CADM2: variants seen among roughly 807,000 people sequenced by gnomAD.
The protein encoded by CADM2 is immunoglobulin superfamily member 4D.
In CADM2, 12 loss-of-function variants were observed where a neutral mutation model predicts 49.8. That is an observed-to-expected ratio of 0.24 (90% CI 0.15 to 0.39). The LOEUF is 0.39. Ranked by LOEUF, CADM2 falls within the 10% of genes least tolerant of loss-of-function variation. The pLI, the probability that CADM2 is intolerant of heterozygous loss-of-function variation, is 1.00. For missense variants in CADM2, 378 were observed against 492.3 expected (o/e 0.77, Z 2.20); for synonymous variants, 214 against 175.4 (o/e 1.22, Z -1.74).
chr3:86,012,484 C>G lies in CADM2; in HGVS notation c.970+50837C>G, dbSNP rs545946193. The G allele has an allele frequency of 8.4e-6, 8 of 951,444 alleles. No homozygotes were observed. In the African/African-American group the frequency reaches 1.2e-4, roughly 15 times the overall value. 58.9% of individuals were successfully genotyped at this position (951,444 alleles called of 1,614,324 possible). A position where few individuals can be genotyped will look rare whatever the true frequency, so the allele number is the denominator to read the frequency against. On this transcript the variant is annotated intron_variant, in intron 8 of 9. Transcript: ENST00000383699. Reference sequence around the variant, plus strand: ...AGAGCCGGCCGACCTGGCTCTCCTCCGTGACCCGGACCAGCGGGCGGACTG... The same window carrying G: ...AGAGCCGGCCGACCTGGCTCTCCTCGGTGACCCGGACCAGCGGGCGGACTG...
intron 1 of CADM2, among the ~76,000 whole-genome samples, chr3:85,394,559 CT>C (rs896670828): frequency 6.6e-6 from 1 of 151,986 alleles, no homozygotes; most frequent in Non-Finnish European, 1.5e-5. Context: ...TAGAGCTGTG[CT>C]TTTTTTAAAA....
chr3:86,043,028 A>T (rs1736161014), intron 8 of CADM2, among the ~76,000 whole-genome samples: 1 of 152,212 alleles, frequency 6.6e-6, no homozygotes, highest in African/African-American at 2.4e-5. Flanking sequence ...AAAATTCAAC[A>T]GCCCTTCATG....
chr3:86,052,473 A>G (rs1737462186), intron 8 of CADM2, among the ~76,000 whole-genome samples: 2 of 152,290 alleles, frequency 1.3e-5, no homozygotes, highest in East Asian at 1.9e-4. Context: ...CTTTCAGTTA[A>G]GTCTTTTCAT....
At chr3:86,012,865 C>T (rs1402250547) in intron 8 of CADM2, 8 of 545,706 alleles carry the variant, frequency 1.5e-5, no homozygotes, top group Non-Finnish European at 2.3e-5. Context: ...GTCCCAGCTA[C>T]TCGGGAGGCT....
intron 1 of CADM2, among the ~76,000 whole-genome samples, chr3:85,039,406 G>A (rs2035351771): frequency 6.6e-6 from 1 of 150,700 alleles, no homozygotes; most frequent in South Asian, 2.1e-4. Flanking sequence ...TTATTAGTGA[G>A]AAGAGTCTAA....
At chr3:84,996,588 A>G (rs1001611883) in intron 1 of CADM2, among the ~76,000 whole-genome samples, 8 of 152,146 alleles carry the variant, frequency 5.3e-5, no homozygotes. Context: ...AAATATTATG[A>G]AATTACCCTT....
intron 1 of CADM2, among the ~76,000 whole-genome samples, chr3:85,168,838 A>G (rs2107680817): frequency 6.6e-6 from 1 of 152,294 alleles, no homozygotes; most frequent in South Asian, 2.1e-4. Context: ...AGAAAGACAA[A>G]GTTCATATTT....
At chr3:85,624,079 A>T (rs2064051680) in intron 1 of CADM2, among the ~76,000 whole-genome samples, 1 of 152,168 alleles carries the variant, frequency 6.6e-6, no homozygotes, top group South Asian at 2.1e-4. Context: ...AAAATATTTA[A>T]TTGGCATATT....
intron 1 of CADM2, among the ~76,000 whole-genome samples, chr3:85,187,391 T>C (rs2041089778): frequency 6.6e-6 from 1 of 152,146 alleles, no homozygotes; most frequent in Non-Finnish European, 1.5e-5. Context: ...TTTATATTCT[T>C]GCGAGTCCTC....
At chr3:85,501,613 G>A (rs913024268) in intron 1 of CADM2, among the ~76,000 whole-genome samples, 1 of 151,982 alleles carries the variant, frequency 6.6e-6, no homozygotes, top group Non-Finnish European at 1.5e-5. Flanking sequence ...ATTACTAGAA[G>A]AGAATAACAA....
At chr3:85,623,725 T>A (rs1181884553) in intron 1 of CADM2, among the ~76,000 whole-genome samples, 1 of 152,176 alleles carries the variant, frequency 6.6e-6, no homozygotes, top group African/African-American at 2.4e-5. Context: ...TCAAATAGCA[T>A]TGGTCGCTGA....
chr3:85,789,883 T>C (rs1395948571), intron 2 of CADM2, among the ~76,000 whole-genome samples: 1 of 152,138 alleles, frequency 6.6e-6, no homozygotes, highest in Non-Finnish European at 1.5e-5. Flanking sequence ...AAGCTAAGAA[T>C]AGAAAGAATT....
intron 1 of CADM2, among the ~76,000 whole-genome samples, chr3:85,456,307 C>T (rs2037986493): frequency 1.3e-5 from 2 of 152,162 alleles, no homozygotes; most frequent in Admixed American, 1.3e-4. Flanking sequence ...TGTCTGAGCT[C>T]TGACCCTGTA....
At chr3:84,966,808 T>A (rs930756474) in intron 1 of CADM2, among the ~76,000 whole-genome samples, 1 of 152,134 alleles carries the variant, frequency 6.6e-6, no homozygotes, top group Non-Finnish European at 1.5e-5. Flanking sequence ...ATTTAAATTA[T>A]CTTTCAGCCA....
At chr3:85,402,176 C>A (rs1193918706) in intron 1 of CADM2, among the ~76,000 whole-genome samples, 2 of 151,834 alleles carry the variant, frequency 1.3e-5, no homozygotes, top group Non-Finnish European at 2.9e-5. Context: ...ACAATAAAGA[C>A]CATTTCTGTG....
chr3:85,505,095 G>T (rs1265630191), intron 1 of CADM2, among the ~76,000 whole-genome samples: 1 of 152,116 alleles, frequency 6.6e-6, no homozygotes, highest in Non-Finnish European at 1.5e-5. Flanking sequence ...AGCCGGCTCC[G>T]GCCTTGGCCA....
chr3:85,825,313 G>C (rs374621010), intron 3 of CADM2, among the ~76,000 whole-genome samples: 2 of 152,014 alleles, frequency 1.3e-5, no homozygotes, highest in South Asian at 4.1e-4. Flanking sequence ...ACTAACAAAA[G>C]ATGAATAGCT....
chr3:84,986,855 C>T (rs930404860), intron 1 of CADM2, among the ~76,000 whole-genome samples: 11 of 151,582 alleles, frequency 7.3e-5, no homozygotes, highest in Non-Finnish European at 1.3e-4. Flanking sequence ...AGTTCAAGAC[C>T]ACCCTGACCA....
intron 1 of CADM2, among the ~76,000 whole-genome samples, chr3:84,990,832 A>G (rs571211943): frequency 6.6e-6 from 1 of 152,236 alleles, no homozygotes; most frequent in South Asian, 2.1e-4. Context: ...ATTAATTCTT[A>G]TTCCTATTTT....
Sources: allele counts gnomAD v4.1 joint callset (sites outside exome capture counted in the v4.1 genomes callset), GRCh38; gene constraint gnomAD v4.1.1; transcripts MANE v1.5; gene names NCBI Gene and HGNC (gene_info 2026-07-23, HGNC 2026-07-21).